SOX6: variants seen among roughly 807,000 people sequenced by gnomAD.
SOX6 encodes transcription factor SOX-6.
A neutral mutation model predicts 97.8 loss-of-function variants in SOX6; 11 were observed. That is an observed-to-expected ratio of 0.11 (90% CI 0.07 to 0.19). The LOEUF is 0.19. SOX6 is among the 10% of genes least tolerant of loss of function. SOX6 has a pLI of 1.00. For missense variants in SOX6, 810 were observed against 1,039.5 expected (o/e 0.78, Z 3.04); for synonymous variants, 360 against 371.4 (o/e 0.97, Z 0.35).
intron 6 of SOX6, among the ~76,000 whole-genome samples, chr11:16,144,121 T>G (rs1850225301): frequency 6.6e-6 from 1 of 152,098 alleles, no homozygotes; most frequent in Admixed American, 6.6e-5. Context: ...CCGCAGCAAA[T>G]GTAAAAGAAC....
intron 4 of SOX6, among the ~76,000 whole-genome samples, chr11:16,537,879 G>A (rs1398977527): frequency 1.3e-5 from 2 of 152,100 alleles, no homozygotes; most frequent in East Asian, 3.8e-4. Context: ...TGGGGAGAAT[G>A]GTACCAAGTT....
intron 13 of SOX6, among the ~76,000 whole-genome samples, chr11:16,001,329 A>G (rs766354210): frequency 6.6e-6 from 1 of 152,202 alleles, no homozygotes; most frequent in Non-Finnish European, 1.5e-5. Context: ...TGATTACATT[A>G]TCTTCATCCT....
chr11:16,240,453 T>C (rs1370574945), intron 3 of SOX6, among the ~76,000 whole-genome samples: 1 of 152,008 alleles, frequency 6.6e-6, no homozygotes, highest in African/African-American at 2.4e-5. Context: ...GGTACAATAT[T>C]CTCTCTATAC....
In SOX6 at chr11:16,605,348, G is replaced by A. The variant is rs1014537316; in HGVS notation, n.609+6733C>T. On this transcript the variant is annotated intron_variant and non_coding_transcript_variant, in intron 4 of 5. Transcript: ENST00000524520. The surrounding 1 kb of genome is among the most constrained non-coding windows in gnomAD (Gnocchi z 5.3). ...CTCGCCCCCGCTCCCGCCAGGTCAG[G>A]CACCACTGCCCTCGCGGCCAGGGTA... Among the ~76,000 whole-genome samples the A allele has an allele frequency of 5.3e-5, 8 of 152,190 alleles. No homozygotes were observed. The highest frequency in any genetic ancestry group is 7.4e-5 in the Non-Finnish European group (5 of 68,026).
chr11:16,449,036 CATG>C (rs1019222699), intron 1 of SOX6, among the ~76,000 whole-genome samples: 6 of 152,076 alleles, frequency 3.9e-5, no homozygotes, highest in African/African-American at 1.4e-4. Flanking sequence ...GCTGTCTCTA[CATG>C]ATGATGATAA....
At chr11:15,995,383 C>A (rs1347445241) in intron 13 of SOX6, among the ~76,000 whole-genome samples, 1 of 152,118 alleles carries the variant, frequency 6.6e-6, no homozygotes, top group Admixed American at 6.6e-5. Flanking sequence ...AACTAAGTTT[C>A]CACAAGTTCA....
chr11:16,207,898 A>G (rs1177493523), intron 4 of SOX6, among the ~76,000 whole-genome samples: 1 of 152,170 alleles, frequency 6.6e-6, no homozygotes. Flanking sequence ...AGGAATGAGA[A>G]AATTTTATTT....
At chr11:16,191,977 T>A (rs1851645052) in intron 4 of SOX6, among the ~76,000 whole-genome samples, 1 of 152,056 alleles carries the variant, frequency 6.6e-6, no homozygotes, top group African/African-American at 2.4e-5. Context: ...CTGCTCCAGC[T>A]GAAGTATTTT....
At chr11:16,151,249 T>C (rs1260872134) in intron 6 of SOX6, among the ~76,000 whole-genome samples, 2 of 152,142 alleles carry the variant, frequency 1.3e-5, no homozygotes, top group African/African-American at 4.8e-5. Context: ...GTATTAGCAT[T>C]ACGGGTGTAA....
At chr11:16,451,828 G>A (rs1170478383) in intron 1 of SOX6, among the ~76,000 whole-genome samples, 1 of 151,988 alleles carries the variant, frequency 6.6e-6, no homozygotes, top group Middle Eastern at 3.4e-3. Context: ...GAGCCCAGGA[G>A]TTCGGACCAG....
chr11:16,028,238 T>C (rs1241928759), intron 12 of SOX6, among the ~76,000 whole-genome samples: 1 of 150,930 alleles, frequency 6.6e-6, no homozygotes, highest in African/African-American at 2.4e-5. Context: ...TGACTTTTTT[T>C]CATTTTTTTT....
intron 1 of SOX6, among the ~76,000 whole-genome samples, chr11:16,349,742 A>AG (rs1378307200): frequency 1.4e-5 from 2 of 141,126 alleles, no homozygotes; most frequent in Non-Finnish European, 3.1e-5. Flanking sequence ...GAAGGAAGGA[A>AG]GGAAGGAAGG....
intron 2 of SOX6, among the ~76,000 whole-genome samples, chr11:16,336,516 A>G (rs1313275678): frequency 1.3e-5 from 2 of 152,094 alleles, no homozygotes; most frequent in Admixed American, 6.6e-5. Flanking sequence ...CTTATCATCA[A>G]TCAAACTCTC....
chr11:16,219,529 G>C (rs1380015569), intron 4 of SOX6, among the ~76,000 whole-genome samples: 2 of 151,924 alleles, frequency 1.3e-5, no homozygotes, highest in African/African-American at 4.8e-5. Flanking sequence ...CAAGTAAACG[G>C]AATAATTGCT....
intron 9 of SOX6, among the ~76,000 whole-genome samples, chr11:16,094,565 G>A (rs1460337705): frequency 1.3e-5 from 2 of 151,866 alleles, no homozygotes; most frequent in African/African-American, 4.8e-5. Context: ...ATTCTTCCAG[G>A]CATTTAAAAG....
chr11:16,656,813 TTAAA>T (rs1310412824), intron 3 of SOX6, among the ~76,000 whole-genome samples: 1 of 152,182 alleles, frequency 6.6e-6, no homozygotes, highest in Non-Finnish European at 1.5e-5. Context: ...GTAGATTTTT[TTAAA>T]TAAATGTTTT....
chr11:16,373,195 T>C (rs1857538787), intron 1 of SOX6, among the ~76,000 whole-genome samples: 1 of 152,114 alleles, frequency 6.6e-6, no homozygotes, highest in Non-Finnish European at 1.5e-5. Flanking sequence ...CTCAACTTTT[T>C]GTTTCTAACA....
intron 3 of SOX6, among the ~76,000 whole-genome samples, chr11:16,253,107 G>A (rs1395255524): frequency 6.6e-6 from 1 of 152,148 alleles, no homozygotes; most frequent in Non-Finnish European, 1.5e-5. Flanking sequence ...CAGCACTTTG[G>A]GAGGCCTAGG....
At chr11:16,378,790 A>T (rs556397319) in intron 1 of SOX6, among the ~76,000 whole-genome samples, 2 of 152,200 alleles carry the variant, frequency 1.3e-5, no homozygotes, top group East Asian at 3.9e-4. Flanking sequence ...TAAAAATTTT[A>T]ATTAGACAAA....
Sources: allele counts gnomAD v4.1 joint callset (sites outside exome capture counted in the v4.1 genomes callset), GRCh38; gene constraint gnomAD v4.1.1; non-coding constraint Gnocchi (gnomAD v3.1); transcripts MANE v1.5; gene names NCBI Gene and HGNC (gene_info 2026-07-23, HGNC 2026-07-21).